LRRC4C: variants seen among roughly 807,000 people sequenced by gnomAD.
LRRC4C encodes the protein leucine-rich repeat-containing protein 4C.
In LRRC4C, 5 loss-of-function variants were observed where a neutral mutation model predicts 33.6. The observed-to-expected ratio is 0.15, with a 90% confidence interval of 0.08 to 0.31. The LOEUF (loss-of-function observed/expected upper bound fraction) is 0.31. Among genes scored for constraint, LRRC4C ranks in the 10% least tolerant of loss-of-function variants. LRRC4C has a pLI of 1.00. For synonymous variants in LRRC4C, 329 were observed against 302.0 expected (o/e 1.09, Z -0.93); for missense variants, 560 against 796.7 (o/e 0.70, Z 3.58).
At chr11:40,992,434 G>GT (rs35107751) in intron 1 of LRRC4C, among the ~76,000 whole-genome samples, 59,094 of 147,096 alleles carry the variant, frequency 0.4, 12,406 homozygotes, top group East Asian at 0.52. Context: ...AACAAAAGTG[G>GT]TTTTTTTTTT....
chr11:40,885,898 T>TC (rs1955431403), intron 2 of LRRC4C, among the ~76,000 whole-genome samples: 1 of 152,052 alleles, frequency 6.6e-6, no homozygotes, highest in Non-Finnish European at 1.5e-5. Context: ...GCTCTAAGGA[T>TC]CCCCTTATAT....
At chr11:40,326,483 C>A (rs1305793310) in intron 3 of LRRC4C, among the ~76,000 whole-genome samples, 4 of 151,460 alleles carry the variant, frequency 2.6e-5, no homozygotes, top group Non-Finnish European at 5.9e-5. Context: ...ATTGCTTGAA[C>A]CCGGGAGGCA....
At chr11:41,346,965 T>C (rs2137529604) in intron 1 of LRRC4C, among the ~76,000 whole-genome samples, 1 of 152,340 alleles carries the variant, frequency 6.6e-6, no homozygotes, top group Middle Eastern at 3.4e-3. Context: ...TGCATGCAAA[T>C]ATTTAAAATG....
At chr11:40,634,964 T>G (rs1475349254) in intron 3 of LRRC4C, among the ~76,000 whole-genome samples, 1 of 151,924 alleles carries the variant, frequency 6.6e-6, no homozygotes, top group Non-Finnish European at 1.5e-5. Flanking sequence ...ATTCTCTTTA[T>G]TAATATTTAT....
intron 1 of LRRC4C, among the ~76,000 whole-genome samples, chr11:41,014,084 C>A (rs564354595): frequency 6.6e-6 from 1 of 152,228 alleles, no homozygotes; most frequent in Non-Finnish European, 1.5e-5. Flanking sequence ...CATATCAGCA[C>A]CTTCTTGCTT....
chr11:40,513,248 C>CAAAAAAAAAAAA (rs1171178910), intron 3 of LRRC4C, among the ~76,000 whole-genome samples: 1 of 54,996 alleles, frequency 1.8e-5, no homozygotes, highest in African/African-American at 6.7e-5. Context: ...GACTCCGTCT[C>CAAAAAAAAAAAA]AAAAAAAAAA....
intron 3 of LRRC4C, among the ~76,000 whole-genome samples, chr11:40,326,114 G>A (rs1353225274): frequency 6.6e-6 from 1 of 150,992 alleles, no homozygotes; most frequent in Admixed American, 6.6e-5. Context: ...TATAAAAACT[G>A]TTGCTTGCTT....
intron 3 of LRRC4C, among the ~76,000 whole-genome samples, chr11:40,387,391 G>A (rs1208048178): frequency 1.3e-5 from 2 of 152,094 alleles, no homozygotes; most frequent in African/African-American, 4.8e-5. Context: ...CTTTCTTCGG[G>A]CACTTTTGTA....
intron 5 of LRRC4C, among the ~76,000 whole-genome samples, chr11:40,239,797 A>G (rs1865809980): frequency 6.6e-6 from 1 of 152,252 alleles, no homozygotes; most frequent in Non-Finnish European, 1.5e-5. Context: ...GTATAGCAAG[A>G]TGGGTGTTAG....
At chr11:40,937,472 G>GTTGAAA (rs970555107) in intron 1 of LRRC4C, among the ~76,000 whole-genome samples, 2 of 151,784 alleles carry the variant, frequency 1.3e-5, no homozygotes, top group African/African-American at 4.8e-5. Context: ...TATAATAAAA[G>GTTGAAA]TTGAAATTAA....
chr11:40,593,456 A>C (rs776587393), intron 3 of LRRC4C, among the ~76,000 whole-genome samples: 1 of 152,192 alleles, frequency 6.6e-6, no homozygotes, highest in African/African-American at 2.4e-5. Flanking sequence ...CACAAGTATA[A>C]AGACACACAA....
At chr11:41,007,232 C>G (rs1012081582) in intron 1 of LRRC4C, among the ~76,000 whole-genome samples, 1 of 151,536 alleles carries the variant, frequency 6.6e-6, no homozygotes, top group Non-Finnish European at 1.5e-5. Flanking sequence ...AACAATAGCT[C>G]AATGGAAAAA....
At chr11:40,548,658 G>A (rs11035915) in intron 3 of LRRC4C, among the ~76,000 whole-genome samples, 4 of 151,964 alleles carry the variant, frequency 2.6e-5, no homozygotes, top group Non-Finnish European at 5.9e-5. Context: ...AAAGACCCAT[G>A]CTTGACATGC....
intron 5 of LRRC4C, among the ~76,000 whole-genome samples, chr11:40,230,477 G>A (rs1486420799): frequency 2.6e-5 from 4 of 152,212 alleles, no homozygotes; most frequent in Non-Finnish European, 5.9e-5. Flanking sequence ...TAGCAGCAGG[G>A]TGTAGGCAGG....
rs185908586 is a variant in LRRC4C, at chr11:41,240,296, C to T, written c.-496+219135G>A. On this transcript the variant is annotated intron_variant, in intron 1 of 6. Transcript: ENST00000528697. ...CATTACCGCATCTAATTCTTGATGC[C>T]ATGCTTTGGGGAAAATACAAAGAAA... is the stretch of plus-strand genomic sequence containing the variant. Among the ~76,000 whole-genome samples, 1,096 of 152,198 alleles carry T rather than the reference C, an allele frequency of 7.2e-3. 4 individuals carry two copies. The highest frequency in any genetic ancestry group is 0.011 in the Non-Finnish European group (740 of 68,008).
At chr11:40,432,144 G>A (rs1950960017) in intron 3 of LRRC4C, among the ~76,000 whole-genome samples, 1 of 152,044 alleles carries the variant, frequency 6.6e-6, no homozygotes, top group African/African-American at 2.4e-5. Context: ...CTGATACCTT[G>A]ATGGGCTTAT....
At chr11:40,987,498 A>G (rs1853100342) in intron 1 of LRRC4C, among the ~76,000 whole-genome samples, 1 of 151,570 alleles carries the variant, frequency 6.6e-6, no homozygotes, top group Admixed American at 6.6e-5. Context: ...TTTAACTGGC[A>G]TGCTTCATCC....
intron 1 of LRRC4C, among the ~76,000 whole-genome samples, chr11:41,269,134 G>C (rs1274626783): frequency 6.6e-6 from 1 of 152,112 alleles, no homozygotes; most frequent in Non-Finnish European, 1.5e-5. Flanking sequence ...ATATCTAAGT[G>C]ATTCATCCAG....
chr11:40,976,244 T>G (rs550408891), intron 1 of LRRC4C, among the ~76,000 whole-genome samples: 41 of 152,370 alleles, frequency 2.7e-4, no homozygotes, highest in African/African-American at 9.6e-4. Context: ...GGATGTGAAC[T>G]GACTTAGCAA....
Sources: allele counts gnomAD v4.1 joint callset (sites outside exome capture counted in the v4.1 genomes callset), GRCh38; gene constraint gnomAD v4.1.1; transcripts MANE v1.5; gene names NCBI Gene and HGNC (gene_info 2026-07-23, HGNC 2026-07-21).